Variants in ATP1A4 observed in about 807,000 individuals in gnomAD.
ATP1A4 encodes sodium/potassium-transporting ATPase subunit alpha-4.
In ATP1A4, 90 loss-of-function variants were observed where a neutral mutation model predicts 114.3. The ratio of observed to expected loss-of-function variants is 0.79; its 90% CI spans 0.66 to 0.94. The LOEUF (loss-of-function observed/expected upper bound fraction) is 0.94, where lower values mean the gene tolerates loss of function less well. Ranked by LOEUF, ATP1A4 falls within the 40% of genes least tolerant of loss-of-function variation. The pLI is 0.00. For synonymous variants in ATP1A4, 511 were observed against 494.1 expected (o/e 1.03, Z -0.45); for missense variants, 1,222 against 1,313.6 (o/e 0.93, Z 1.08).
At position 160,159,395 on chromosome 1, in the gene ATP1A4, C is replaced by A. The variant is rs1035433245; in HGVS notation, c.661-14C>A. 1.2e-5 allele frequency: 19 copies of A among 1,600,152 alleles called. No homozygotes were observed. The highest frequency in any genetic ancestry group is 1.5e-5 in the Non-Finnish European group (18 of 1,174,156). On this transcript the variant is annotated splice_polypyrimidine_tract_variant and intron_variant, in intron 5 of 21. Coordinates refer to ENST00000368081, the MANE Select transcript of ATP1A4 (RefSeq NM_144699.4). ...CTATGCTCACCTTACAACGCGTCCC[C>A]TCTCCCATCCCAGGTGGACAACTCA... is the stretch of plus-strand genomic sequence containing the variant.
intron 3 of ATP1A4, among the ~76,000 whole-genome samples, 183 bp from the exon 4 acceptor site, chr1:160,155,862 T>TC (rs779619709): frequency 6.6e-6 from 1 of 152,160 alleles, no homozygotes; most frequent in Non-Finnish European, 1.5e-5. Flanking sequence ...GGCTCAGGGT[T>TC]CCTTCCCCAG....
At position 160,151,885 on chromosome 1, in the gene ATP1A4, C is replaced by T. The variant is rs1431902232; in HGVS notation, c.-156C>T. ...CTCTCTCACCTTCACCACCCAACAC[C>T]TCCCTCCCTGCCTCTTTCTTTCTGC... is the stretch of plus-strand genomic sequence containing the variant. On this transcript the variant is annotated 5_prime_UTR_variant, in exon 1 of 22. Transcript: ENST00000368081. 1.4e-5 allele frequency: 11 copies of T among 796,848 alleles called. No individual in the cohort carries two copies. Among genetic ancestry groups the T allele is most frequent in the Admixed American group, 3.0e-5 (1 of 33,820 alleles). 49.4% of individuals were successfully genotyped at this position (796,848 alleles called of 1,614,324 possible). A position where few individuals can be genotyped will look rare whatever the true frequency, so the allele number is the denominator to read the frequency against.
rs1210328850 is a variant in ATP1A4 at position 160,155,964 on chromosome 1, G to A, written c.412-81G>A. ...GTCTCTTACACCTGGTGAAACTGCT[G>A]TGCCCCTTGCAGACTGATTTTCTGA... On this transcript the variant is annotated intron_variant, in intron 3 of 21. Transcript: ENST00000368081. 8.4e-6 allele frequency: 7 copies of A among 835,698 alleles called. No individual in the cohort carries two copies. In the East Asian group the frequency reaches 1.7e-4, roughly 20 times the overall value. 51.8% of individuals were successfully genotyped at this position (835,698 alleles called of 1,614,324 possible).
chr1:160,159,652 G>A (rs557294861), intron 6 of ATP1A4, 126 bp downstream of exon 6: 39 of 752,872 alleles, frequency 5.2e-5, no homozygotes, highest in Non-Finnish European at 6.6e-5. Flanking sequence ...TCTCCATCAC[G>A]AGCTGTATGA....
At chr1:160,168,984 A>T (rs1308966058) in intron 10 of ATP1A4, among the ~76,000 whole-genome samples, 3 of 152,208 alleles carry the variant, frequency 2.0e-5, no homozygotes, top group Non-Finnish European at 4.4e-5. Context: ...CATATTCACA[A>T]CATTTGTTGG....
At chr1:160,177,255 A>G (rs1653501746) in intron 17 of ATP1A4, among the ~76,000 whole-genome samples, 1 of 152,166 alleles carries the variant, frequency 6.6e-6, no homozygotes, top group Non-Finnish European at 1.5e-5. Context: ...TGGCCTCTAA[A>G]GTCCTTTTTA....
rs41265769 is a variant in ATP1A4, at chr1:160,182,623, C to G, written c.2969+592C>G. On this transcript the variant is annotated intron_variant, in intron 20 of 21. Transcript: ENST00000368081. ...TACCCAACCCAACTTGCATAGGTAG[C>G]CTCAGTTAAGGATTTAGTATGTATT... The G allele has an allele frequency of 3.8e-3, 584 of 153,094 alleles. 2 individuals are homozygous for G. The highest frequency in any genetic ancestry group is 5.5e-3 in the Non-Finnish European group (375 of 68,344). 9.5% of individuals were successfully genotyped at this position (153,094 alleles called of 1,614,324 possible).
At chr1:160,177,800 G>C in intron 18 of ATP1A4, 136 bp downstream of exon 18, 1 of 941,654 alleles carries the variant, frequency 1.1e-6, no homozygotes, top group Non-Finnish European at 1.6e-6. Flanking sequence ...CTTCAGTCCT[G>C]TATGAGCCTT....
chr1:160,185,496 A>G (rs560589053), intron 20 of ATP1A4, among the ~76,000 whole-genome samples: 27 of 152,248 alleles, frequency 1.8e-4, no homozygotes, highest in Non-Finnish European at 3.7e-4. Flanking sequence ...CCTCAAAGGT[A>G]GGGCTCAGGC....
chr1:160,181,728 CT>C lies in ATP1A4; in HGVS notation c.2787del (p.Phe929LeufsTer27), dbSNP rs34471670. 2 of 1,614,072 alleles carry C rather than the reference CT, an allele frequency of 1.2e-6. No homozygotes were observed. Among genetic ancestry groups the C allele is most frequent in the East Asian group, 2.2e-5 (1 of 44,874 alleles). Reference sequence around the variant, plus strand: ...TTGTGGAGTTCACATGCCAAACGGCCTTTTTTGTCACCATCGTGGTTGTGCA... The same window carrying C: ...TTGTGGAGTTCACATGCCAAACGGCCTTTTTGTCACCATCGTGGTTGTGCA... ...KVVEFTCQTA[F>X]FVTIVVVQWA... On this transcript the variant is annotated frameshift_variant, in exon 19 of 22. Coordinates refer to ENST00000368081, the MANE Select transcript of ATP1A4 (RefSeq NM_144699.4). LOFTEE classifies it high-confidence loss of function.
chr1:160,151,818 G>A lies in ATP1A4; in HGVS notation c.-223G>A, dbSNP rs1652463910. 2 of 486,818 alleles carry A rather than the reference G, an allele frequency of 4.1e-6. No homozygotes were observed. Among genetic ancestry groups the A allele is most frequent in the East Asian group, 6.2e-5 (2 of 32,212 alleles). The allele number at this position is 486,818 out of a possible 1,614,324, so 30.2% of individuals were successfully genotyped here. On this transcript the variant is annotated 5_prime_UTR_variant, in exon 1 of 22. Coordinates refer to ENST00000368081, the MANE Select transcript of ATP1A4 (RefSeq NM_144699.4). ...TGACTCTTCCTCTTCCCAGCGGACG[G>A]CTGGAGGACCGCTCAGTCTCTCCTC...
At chr1:160,185,464 C>T (rs1219190814) in intron 20 of ATP1A4, among the ~76,000 whole-genome samples, 1 of 152,068 alleles carries the variant, frequency 6.6e-6, no homozygotes, top group Non-Finnish European at 1.5e-5. Context: ...CTCCCGATCA[C>T]TAATCCCACA....
At chr1:160,166,781 T>C in intron 8 of ATP1A4, 55 bp downstream of exon 8, 2 of 1,607,100 alleles carry the variant, frequency 1.2e-6, no homozygotes, top group Non-Finnish European at 1.7e-6. Context: ...ATGTGATGAG[T>C]GAGCTGAGAG....
Position 160,186,296 on chromosome 1 carries a change from C to T in ATP1A4, c.2990C>T (p.Ala997Val). The change falls in exon 21 of 22, where the codon GCC becomes GTC. Residue 997 changes from alanine (A) to valine (V), a missense_variant. Coordinates refer to ENST00000368081, the MANE Select transcript of ATP1A4 (RefSeq NM_144699.4). ...YPLKITWWLC[A>V]IPYSILIFVY... ...TACAGGATAACCTGGTGGCTCTGTGCCATTCCCTACAGTATTCTCATCTTC... is the reference window on the plus strand; with the variant it reads ...TACAGGATAACCTGGTGGCTCTGTGTCATTCCCTACAGTATTCTCATCTTC... 3 of 1,613,012 alleles carry T rather than the reference C, an allele frequency of 1.9e-6. No individual in the cohort carries two copies. The highest frequency in any genetic ancestry group is 2.5e-6 in the Non-Finnish European group (3 of 1,179,606).
At chr1:160,174,913 C>T (rs1181913280) in intron 15 of ATP1A4, among the ~76,000 whole-genome samples, 166 bp downstream of exon 15, 1 of 152,212 alleles carries the variant, frequency 6.6e-6, no homozygotes, top group African/African-American at 2.4e-5. Context: ...TCAGCTGGTA[C>T]ATAGACCATC....
intron 2 of ATP1A4, among the ~76,000 whole-genome samples, chr1:160,154,515 A>G (rs945213342): frequency 6.6e-6 from 1 of 152,224 alleles, no homozygotes; most frequent in Non-Finnish European, 1.5e-5. Flanking sequence ...GCATGGGAAC[A>G]TTCCAAATCC....
chr1:160,174,088 C>CTT, intron 13 of ATP1A4, 23 bp from the exon 14 acceptor site: 1 of 1,611,158 alleles, frequency 6.2e-7, no homozygotes, highest in Non-Finnish European at 8.5e-7. Flanking sequence ...CAAAACTAGC[C>CTT]TTTTGAAATT....
intron 17 of ATP1A4, among the ~76,000 whole-genome samples, chr1:160,176,902 T>A (rs977277078): frequency 2.6e-5 from 4 of 152,150 alleles, no homozygotes; most frequent in African/African-American, 9.7e-5. Flanking sequence ...AGAGAGGCCT[T>A]ATGCAGGAAA....
intron 7 of ATP1A4, among the ~76,000 whole-genome samples, chr1:160,165,057 C>T (rs912899850): frequency 6.6e-6 from 1 of 152,198 alleles, no homozygotes; most frequent in African/African-American, 2.4e-5. Flanking sequence ...GCCATTATGT[C>T]CCCTCAAACT....
Sources: allele counts gnomAD v4.1 joint callset (sites outside exome capture counted in the v4.1 genomes callset), GRCh38; gene constraint gnomAD v4.1.1; transcripts MANE v1.5; gene names NCBI Gene and HGNC (gene_info 2026-07-23, HGNC 2026-07-21).